CNIH4: variants seen among roughly 807,000 people sequenced by gnomAD.
CNIH4 encodes the protein cornichon family member 4.
Under a neutral mutation model 21.5 loss-of-function variants are expected in CNIH4, and 9 were observed. That is an observed-to-expected ratio of 0.42 (90% CI 0.25 to 0.73). The LOEUF is 0.73. Among genes scored for constraint, CNIH4 ranks in the 30% least tolerant of loss-of-function variants. The probability of loss-of-function intolerance (pLI) is 0.27; values close to 1 mark genes in which losing one functional copy is unlikely to be tolerated. For missense variants in CNIH4, 159 were observed against 170.0 expected, an observed-to-expected ratio of 0.94 and a Z score of 0.36; for synonymous variants, 67 against 59.1, an observed-to-expected ratio of 1.13 and a Z score of -0.61.
intron 4 of CNIH4, among the ~76,000 whole-genome samples, chr1:224,371,822 A>G (rs1457064216): frequency 6.6e-6 from 1 of 152,192 alleles, no homozygotes; most frequent in African/African-American, 2.4e-5. Context: ...CATGCCTGTA[A>G]TCCCAGCTAC....
At chr1:224,362,242 G>A (rs928129542) in intron 2 of CNIH4, among the ~76,000 whole-genome samples, 7 of 151,638 alleles carry the variant, frequency 4.6e-5, no homozygotes, top group African/African-American at 9.7e-5. Flanking sequence ...CACCACGCCC[G>A]GCTAATTTTT....
Position 224,379,135 on chromosome 1 carries a change from A to G in CNIH4, c.*3313A>G. 6.5e-7 allele frequency: 1 copy of G among 1,548,786 alleles called. No homozygotes were observed. Among genetic ancestry groups the G allele is most frequent in the Non-Finnish European group, 8.7e-7 (1 of 1,145,354 alleles). On this transcript the variant is annotated 3_prime_UTR_variant, in exon 5 of 5. Transcript: ENST00000465271. The stretch of plus-strand genomic sequence containing the variant: ...GAAAGAAGAGGAAGCGAAATCCAAG[A>G]TGCAGCTCAGTTCATCAAAGCCTAG...
Position 224,374,229 on chromosome 1 carries a change from C to T in CNIH4, c.393-1566C>T, listed in dbSNP as rs769216146. Among the ~76,000 whole-genome samples, 119 of 152,184 alleles carry T rather than the reference C, an allele frequency of 7.8e-4. 1 individual carries two copies. Among genetic ancestry groups the T allele is most frequent in the Non-Finnish European group, 8.5e-4 (58 of 68,038 alleles). On this transcript the variant is annotated intron_variant, in intron 4 of 4. Transcript: ENST00000465271. ...GTCTTTGTATCTAACATCTGCCACA[C>T]CTTGCCTAATACCTTGGACCTAGTT...
rs185626839 is a variant in CNIH4, at chr1:224,358,838, A to G, written c.70-1657A>G. Among the ~76,000 whole-genome samples the G allele has an allele frequency of 2.0e-5, 3 of 152,380 alleles. No homozygotes were observed. In the East Asian group the frequency reaches 5.8e-4, roughly 29 times the overall value. ...GTGGAATGTTTGACTTAGACATTACATTAAAATACATTCGGGGGGTGTTTT... is the reference window on the plus strand; with the variant it reads ...GTGGAATGTTTGACTTAGACATTACGTTAAAATACATTCGGGGGGTGTTTT... On this transcript the variant is annotated intron_variant, in intron 1 of 4. Transcript: ENST00000465271.
At chr1:224,368,057 G>C (rs957361250) in intron 3 of CNIH4, among the ~76,000 whole-genome samples, 2 of 152,254 alleles carry the variant, frequency 1.3e-5, no homozygotes, top group Non-Finnish European at 2.9e-5. Flanking sequence ...TAGGCCGGGC[G>C]TGGTGGCCCA....
In CNIH4 at chr1:224,356,905, G is replaced by C; in HGVS notation, c.-20G>C. 1 of 1,596,144 alleles carries C rather than the reference G, an allele frequency of 6.3e-7. No homozygotes were observed. The highest frequency in any genetic ancestry group is 8.5e-7 in the Non-Finnish European group (1 of 1,169,892). ...TCCGAGCGGGTTTGACGGAAGGAGC[G>C]GCGGCGACGGAGGAGGAGGATGGAG... On this transcript the variant is annotated 5_prime_UTR_variant, in exon 1 of 5. Coordinates refer to ENST00000465271, the MANE Select transcript of CNIH4 (RefSeq NM_014184.4).
intron 4 of CNIH4, among the ~76,000 whole-genome samples, chr1:224,375,521 TTTTTG>T (rs1344306190): frequency 2.0e-5 from 3 of 152,234 alleles, no homozygotes; most frequent in South Asian, 2.1e-4. Context: ...AGCTAGGTTG[TTTTTG>T]TTTTGTTTTG....
intron 2 of CNIH4, among the ~76,000 whole-genome samples, chr1:224,362,139 G>C (rs1283366922): frequency 1.3e-5 from 2 of 149,948 alleles, no homozygotes; most frequent in Admixed American, 6.7e-5. Context: ...GGAGTGCAGT[G>C]GTGCGATCTT....
At chr1:224,360,385 A>AT in intron 1 of CNIH4, 110 bp from the exon 2 acceptor site, 4 of 539,904 alleles carry the variant, frequency 7.4e-6, no homozygotes, top group East Asian at 3.5e-5. Flanking sequence ...GAAACAACTC[A>AT]TTTTTTTCAA....
rs574457869 is a variant in CNIH4, at chr1:224,379,309, G to T, written c.*3487G>T. ...ATTCTATCTGGTATTACAGTTATTT[G>T]TATGCAATTAATCACTCTTAGATTG... On this transcript the variant is annotated 3_prime_UTR_variant, in exon 5 of 5. Transcript: ENST00000465271. The T allele has an allele frequency of 1.7e-5, 10 of 579,776 alleles. No individual in the cohort carries two copies. In the East Asian group the frequency reaches 2.3e-4, roughly 13 times the overall value. 35.9% of individuals were successfully genotyped at this position (579,776 alleles called of 1,614,324 possible). A position where few individuals can be genotyped will look rare whatever the true frequency, so the allele number is the denominator to read the frequency against.
chr1:224,356,913 C>G lies in CNIH4; in HGVS notation c.-12C>G. ...GGTTTGACGGAAGGAGCGGCGGCGACGGAGGAGGAGGATGGAGGCGGTGGT... is the reference window on the plus strand; with the variant it reads ...GGTTTGACGGAAGGAGCGGCGGCGAGGGAGGAGGAGGATGGAGGCGGTGGT... On this transcript the variant is annotated 5_prime_UTR_variant, in exon 1 of 5. Transcript: ENST00000465271. 1 of 1,603,522 alleles carries G rather than the reference C, an allele frequency of 6.2e-7. No homozygotes were observed. The highest frequency in any genetic ancestry group is 8.5e-7 in the Non-Finnish European group (1 of 1,174,544).
At chr1:224,356,866 G>C (rs1323047729), upstream of CNIH4, 109 of 1,441,790 alleles carry the variant, frequency 7.6e-5, no homozygotes, top group Non-Finnish European at 3.8e-6. Context: ...GCCTATCAGG[G>C]GTGGGTCGGG....
intron 3 of CNIH4, among the ~76,000 whole-genome samples, chr1:224,368,577 C>T (rs1340947372): frequency 6.6e-6 from 1 of 152,018 alleles, no homozygotes; most frequent in Non-Finnish European, 1.5e-5. Context: ...GGCAAAATAC[C>T]TAGGAGTGGA....
Position 224,375,836 on chromosome 1 carries a change from G to A in CNIH4, c.*14G>A, listed in dbSNP as rs528572378. On this transcript the variant is annotated 3_prime_UTR_variant, in exon 5 of 5. Coordinates refer to ENST00000465271, the MANE Select transcript of CNIH4 (RefSeq NM_014184.4). The stretch of plus-strand genomic sequence containing the variant: ...ATAAATGACTGAAGCTGGAGAAGCC[G>A]TGGTTGAAGTCAGCCTACACTACAG... The A allele has an allele frequency of 5.0e-6, 8 of 1,613,940 alleles. No homozygotes were observed. The East Asian group carries it at 8.9e-5, about 18-fold the overall frequency.
chr1:224,371,198 T>C, intron 3 of CNIH4, 85 bp from the exon 4 acceptor site: 1 of 1,419,812 alleles, frequency 7.0e-7, no homozygotes. Flanking sequence ...CTTTTAAAAG[T>C]CGATTATTAT....
At chr1:224,358,650 C>T (rs1672185961) in intron 1 of CNIH4, among the ~76,000 whole-genome samples, 1 of 152,186 alleles carries the variant, frequency 6.6e-6, no homozygotes, top group Non-Finnish European at 1.5e-5. Context: ...GGCAATTCTT[C>T]TTCCAGTGTG....
intron 2 of CNIH4, 50 bp downstream of exon 2, chr1:224,360,613 C>A: frequency 3.2e-6 from 3 of 940,634 alleles, no homozygotes; most frequent in South Asian, 2.1e-5. Flanking sequence ...GGTCATTTTC[C>A]ATACTTAAGA....
At chr1:224,372,133 C>T (rs1672649229) in intron 4 of CNIH4, among the ~76,000 whole-genome samples, 1 of 152,182 alleles carries the variant, frequency 6.6e-6, no homozygotes, top group Non-Finnish European at 1.5e-5. Context: ...GTGTGATGCT[C>T]ATTCTCCAGC....
In CNIH4 at chr1:224,377,654, A is replaced by G. The variant is rs1325907715; in HGVS notation, c.*1832A>G. On this transcript the variant is annotated 3_prime_UTR_variant, in exon 5 of 5. Transcript: ENST00000465271. ...CTAGCTACTCCTGGCTAATTTTTGT[A>G]TTTTTAGTAGAGATGGGGTTTCACC... 2 of 151,834 alleles carry G rather than the reference A, an allele frequency of 1.3e-5. No homozygotes were observed. The highest frequency in any genetic ancestry group is 2.9e-5 in the Non-Finnish European group (2 of 68,052). 9.4% of individuals were successfully genotyped at this position (151,834 alleles called of 1,614,324 possible).
Sources: allele counts gnomAD v4.1 joint callset (sites outside exome capture counted in the v4.1 genomes callset), GRCh38; gene constraint gnomAD v4.1.1; transcripts MANE v1.5; gene names NCBI Gene and HGNC (gene_info 2026-07-23, HGNC 2026-07-21).